The following EPHX2 variants were observed in gnomAD, a reference collection of about 807,000 sequenced individuals.
The protein encoded by EPHX2 is bifunctional epoxide hydrolase 2.
Under a neutral mutation model 78.7 loss-of-function variants are expected in EPHX2, and 74 were observed. The observed-to-expected ratio is 0.94, with a 90% CI of 0.78 to 1.14. The LOEUF (loss-of-function observed/expected upper bound fraction) is 1.14, where lower values mean the gene tolerates loss of function less well. Ranked by LOEUF, EPHX2 falls within the 50% of genes most tolerant of loss-of-function variation. The pLI is 0.00. For synonymous variants in EPHX2, 251 were observed against 255.2 expected (o/e 0.98, Z 0.16); for missense variants, 715 against 702.5 (o/e 1.02, Z -0.20).
chr8:27,529,592 G>A (rs1484085209), intron 12 of EPHX2, among the ~76,000 whole-genome samples: 1 of 152,022 alleles, frequency 6.6e-6, no homozygotes, highest in Non-Finnish European at 1.5e-5. Context: ...TGTGTGTCTG[G>A]AAACATATAG....
intron 10 of EPHX2, among the ~76,000 whole-genome samples, chr8:27,521,174 C>G (rs1411936344): frequency 6.6e-6 from 1 of 152,158 alleles, no homozygotes; most frequent in Non-Finnish European, 1.5e-5. Context: ...GGAGGACAGC[C>G]TTGAGTATCC....
intron 2 of EPHX2, among the ~76,000 whole-genome samples, chr8:27,501,426 C>T (rs1402646709): frequency 8.0e-6 from 1 of 124,448 alleles, no homozygotes; most frequent in East Asian, 2.3e-4. Flanking sequence ...TTTTCTGAGA[C>T]AGGTTCTCAC....
At chr8:27,533,382 G>A (rs150819679) in intron 12 of EPHX2, among the ~76,000 whole-genome samples, 1 of 152,166 alleles carries the variant, frequency 6.6e-6, no homozygotes, top group Admixed American at 6.5e-5. Context: ...CCTCTCCAGG[G>A]CAGACAGGAA....
Position 27,538,639 on chromosome 8 carries a change from C to G in EPHX2, c.1243-20C>G, listed in dbSNP as rs1815288104. The G allele has an allele frequency of 6.2e-7, 1 of 1,605,670 alleles. No individual in the cohort carries two copies. The highest frequency in any genetic ancestry group is 1.7e-5 in the Admixed American group (1 of 59,342). On this transcript the variant is annotated intron_variant, in intron 13 of 18. Coordinates refer to ENST00000521400, the MANE Select transcript of EPHX2 (RefSeq NM_001979.6). The stretch of plus-strand genomic sequence containing the variant: ...ATCACCCATGACATCATTTGTAACT[C>G]TTTTCTTTTCTTCCTTCAGAGTGTT...
intron 5 of EPHX2, among the ~76,000 whole-genome samples, chr8:27,508,424 A>G (rs1336794906): frequency 1.3e-5 from 2 of 152,178 alleles, no homozygotes. Context: ...TAAAATGTAT[A>G]CCCAGTGACT....
chr8:27,529,620 T>C (rs533576842), intron 12 of EPHX2, among the ~76,000 whole-genome samples: 2 of 151,764 alleles, frequency 1.3e-5, no homozygotes, highest in East Asian at 1.9e-4. Context: ...GAGGCAGATT[T>C]CAGGCAAAAA....
At chr8:27,548,078 C>T (rs1431908667), downstream of EPHX2, among the ~76,000 whole-genome samples, 1 of 152,198 alleles carries the variant, frequency 6.6e-6, no homozygotes. Context: ...GCTGAGATCA[C>T]TCACATATTC....
At chr8:27,542,337 T>G (rs963822606) in intron 16 of EPHX2, among the ~76,000 whole-genome samples, 1 of 152,282 alleles carries the variant, frequency 6.6e-6, no homozygotes, top group Non-Finnish European at 1.5e-5. Context: ...AATCCCTGTG[T>G]GACCCTGGGA....
intron 2 of EPHX2, among the ~76,000 whole-genome samples, chr8:27,502,667 GA>G (rs1288438183): frequency 1.3e-5 from 2 of 151,992 alleles, no homozygotes; most frequent in Admixed American, 6.6e-5. Context: ...AGAGACAGGG[GA>G]AAAAAAGCAA....
At chr8:27,497,422 T>TA (rs1329493958) in intron 1 of EPHX2, among the ~76,000 whole-genome samples, 2 of 152,222 alleles carry the variant, frequency 1.3e-5, no homozygotes, top group African/African-American at 4.8e-5. Context: ...TGGCCTGCTC[T>TA]GTTTTCTGTC....
chr8:27,525,484 C>T lies in EPHX2; in HGVS notation c.1170+11C>T, dbSNP rs1316431761. The T allele has an allele frequency of 2.5e-6, 4 of 1,600,536 alleles. No homozygotes were observed. The highest frequency in any genetic ancestry group is 1.1e-5 in the South Asian group (1 of 90,780). ...TACTTCCAAGAACCAGTAAGTATGGCACCAAGGGCAACAATGGGAGCATTA... is the reference window on the plus strand; with the variant it reads ...TACTTCCAAGAACCAGTAAGTATGGTACCAAGGGCAACAATGGGAGCATTA... On this transcript the variant is annotated intron_variant, in intron 12 of 18. Transcript: ENST00000521400.
intron 11 of EPHX2, among the ~76,000 whole-genome samples, chr8:27,522,886 A>G (rs72475890): frequency 1.0e-4 from 15 of 143,156 alleles, no homozygotes; most frequent in African/African-American, 2.6e-4. Flanking sequence ...GCTTGAACCC[A>G]GGAGGTGGAG....
chr8:27,519,825 C>A (rs973695029), intron 9 of EPHX2, among the ~76,000 whole-genome samples: 7 of 152,054 alleles, frequency 4.6e-5, no homozygotes, highest in Non-Finnish European at 1.0e-4. Flanking sequence ...TTACACCTGT[C>A]TTAGAGCAGG....
rs1247770637 is a variant in EPHX2, at chr8:27,504,945, T to C, written c.347-11T>C. ...TGTAGCTGGTCTATCTACTGGTGGCTTTTTGCTCAGGATTCACTACTGCCA... is the reference window on the plus strand; with the variant it reads ...TGTAGCTGGTCTATCTACTGGTGGCCTTTTGCTCAGGATTCACTACTGCCA... On this transcript the variant is annotated splice_polypyrimidine_tract_variant and intron_variant, in intron 3 of 18. Transcript: ENST00000521400. The C allele has an allele frequency of 1.1e-5, 17 of 1,613,340 alleles. No individual in the cohort carries two copies. The highest frequency in any genetic ancestry group is 1.4e-5 in the Non-Finnish European group (17 of 1,179,990).
chr8:27,523,162 G>A (rs772305663), intron 11 of EPHX2, among the ~76,000 whole-genome samples: 1 of 152,068 alleles, frequency 6.6e-6, no homozygotes, highest in Non-Finnish European at 1.5e-5. Flanking sequence ...ATCAGAAAGC[G>A]TGGCCTTCGG....
At chr8:27,516,583 C>T (rs928767410) in intron 8 of EPHX2, among the ~76,000 whole-genome samples, 185 bp downstream of exon 8, 7 of 152,140 alleles carry the variant, frequency 4.6e-5, no homozygotes, top group Non-Finnish European at 7.4e-5. Flanking sequence ...GATGCCCCTG[C>T]CCCCCACACT....
intron 2 of EPHX2, among the ~76,000 whole-genome samples, chr8:27,503,291 T>C (rs1190290765): frequency 1.3e-5 from 2 of 152,220 alleles, no homozygotes; most frequent in Non-Finnish European, 2.9e-5. Context: ...TCTTTTGTTA[T>C]AGCAGCTGAG....
At chr8:27,519,611 G>A (rs1814575547) in intron 9 of EPHX2, among the ~76,000 whole-genome samples, 1 of 152,206 alleles carries the variant, frequency 6.6e-6, no homozygotes, top group African/African-American at 2.4e-5. Flanking sequence ...GAGGATGCTG[G>A]GAAGGGAAGG....
In EPHX2 at chr8:27,544,775, G is replaced by C. The variant is rs369196685; in HGVS notation, c.*253G>C. Reference sequence around the variant, plus strand: ...GTCCCTTTATCTGTAAGAACCCTTAGTGTCCTGTAGGGGGACAGAATGGGG... The same window carrying C: ...GTCCCTTTATCTGTAAGAACCCTTACTGTCCTGTAGGGGGACAGAATGGGG... On this transcript the variant is annotated 3_prime_UTR_variant, in exon 19 of 19. Transcript: ENST00000521400. The C allele has an allele frequency of 7.8e-5, 41 of 527,420 alleles. No individual in the cohort carries two copies. Among genetic ancestry groups the C allele is most frequent in the African/African-American group, 7.4e-4 (39 of 52,686 alleles). The allele number at this position is 527,420 out of a possible 1,614,324, so 32.7% of individuals were successfully genotyped here.
Sources: allele counts gnomAD v4.1 joint callset (sites outside exome capture counted in the v4.1 genomes callset), GRCh38; gene constraint gnomAD v4.1.1; transcripts MANE v1.5; gene names NCBI Gene and HGNC (gene_info 2026-07-23, HGNC 2026-07-21).